TP73: variants seen among roughly 807,000 people sequenced by gnomAD.
The protein encoded by TP73 is p53-like transcription factor.
TP73 carries 25 observed loss-of-function variants against 62.5 expected under a neutral mutation model. The ratio of observed to expected loss-of-function variants is 0.40; its 90% confidence interval spans 0.29 to 0.56. The LOEUF (loss-of-function observed/expected upper bound fraction) is 0.56, where lower values mean the gene tolerates loss of function less well. Ranked by LOEUF, TP73 falls within the 20% of genes least tolerant of loss-of-function variation. TP73 has a pLI of 0.46. For synonymous variants in TP73, 423 were observed against 377.5 expected, an observed-to-expected ratio of 1.12 and a Z score of -1.40; for missense variants, 754 against 913.3, an observed-to-expected ratio of 0.83 and a Z score of 2.25.
intron 4 of TP73, among the ~76,000 whole-genome samples, chr1:3,721,762 C>A (rs541959577): frequency 4.6e-5 from 7 of 152,160 alleles, no homozygotes; most frequent in Admixed American, 4.6e-4. Context: ...TGACTGCCAC[C>A]GGCACTCACA....
In TP73 at chr1:3,670,320, C is replaced by T. The variant is rs1012925541; in HGVS notation, c.-33-12013C>T. Among the ~76,000 whole-genome samples the T allele has an allele frequency of 6.6e-6, 1 of 152,076 alleles. No individual in the cohort carries two copies. Among genetic ancestry groups the T allele is most frequent in the Non-Finnish European group, 1.5e-5 (1 of 68,010 alleles). ...TCCCTGGGGTCCCGCAGTCTGAACT[C>T]AAGACTCAAGAGCCCCATGTCCAGG... is the stretch of plus-strand genomic sequence containing the variant. On this transcript the variant is annotated intron_variant, in intron 1 of 13. Coordinates refer to ENST00000378295, the MANE Select transcript of TP73 (RefSeq NM_005427.4). The surrounding 1 kb of genome is among the most constrained non-coding windows in gnomAD (Gnocchi z 5.9).
chr1:3,681,474 G>T (rs1009548208), intron 1 of TP73, among the ~76,000 whole-genome samples: 3 of 152,162 alleles, frequency 2.0e-5, no homozygotes, highest in African/African-American at 7.2e-5. Flanking sequence ...GGGGAGCAAT[G>T]GTGGAGACAA....
chr1:3,707,487 A>G (rs1639759304), intron 3 of TP73, 62 bp from the exon 4 acceptor site: 1 of 1,563,862 alleles, frequency 6.4e-7, no homozygotes, highest in African/African-American at 1.3e-5. Flanking sequence ...GACACCTCCT[A>G]GACGGGACAG....
intron 1 of TP73, among the ~76,000 whole-genome samples, chr1:3,667,452 T>C (rs893009694): frequency 1.3e-5 from 2 of 152,216 alleles, no homozygotes; most frequent in Admixed American, 1.3e-4. Context: ...TCTTGCCTGA[T>C]AGGCATAAAC....
rs1039376279 is a variant in TP73 at position 3,687,564 on chromosome 1, G to A, written c.186+4384G>A. On this transcript the variant is annotated intron_variant, in intron 3 of 13. Coordinates refer to ENST00000378295, the MANE Select transcript of TP73 (RefSeq NM_005427.4). The stretch of plus-strand genomic sequence containing the variant: ...TAGCGTCCCCTCGGACAAAACCAGC[G>A]CAGGGCAATGAGACCTGCGGCCCTT... 7.6e-5 allele frequency among the ~76,000 whole-genome samples: 11 copies of A among 145,454 alleles called. No individual in the cohort carries two copies. In the East Asian group the frequency reaches 1.7e-3, roughly 23 times the overall value.
At position 3,727,761 on chromosome 1, in the gene TP73, A is replaced by G. The variant is rs1239220396; in HGVS notation, c.976A>G (p.Ser326Gly). The G allele has an allele frequency of 6.5e-7, 1 of 1,541,774 alleles. No individual in the cohort carries two copies. Among genetic ancestry groups the G allele is most frequent in the Non-Finnish European group, 8.7e-7 (1 of 1,142,980 alleles). ...GAGCTCCGCCAAGAACGGGGCCGCC[A>G]GCAAGCGTGGTGAGCGGCCGGCCAG... ...NESSAKNGAA[S>G]KRAFKQSPPA... The change falls in exon 8 of 14, where the codon AGC (serine) becomes GGC (glycine). Residue 326 changes from serine (S) to glycine (G), a missense_variant. Physicochemically the swap from Ser to Gly is moderately conservative, Grantham distance 56. Transcript: ENST00000378295.
At chr1:3,717,363 C>T (rs1432161040) in intron 4 of TP73, among the ~76,000 whole-genome samples, 1 of 152,166 alleles carries the variant, frequency 6.6e-6, no homozygotes, top group Admixed American at 6.5e-5. Flanking sequence ...GAGCCGGCAG[C>T]GTGGGGAGGG....
intron 4 of TP73, 63 bp from the exon 5 acceptor site, chr1:3,721,958 G>C (rs942323996): frequency 4.7e-6 from 7 of 1,505,356 alleles, no homozygotes; most frequent in African/African-American, 2.8e-5. Flanking sequence ...CCAATGGGGG[G>C]TGGCCTGGAC....
chr1:3,722,158 C>T lies in TP73; in HGVS notation c.567C>T (p.Asp189=), dbSNP rs142165895. Residue 189 remains aspartate (D), a synonymous_variant, in exon 5 of 14, where the codon GAC becomes GAT. Coordinates refer to ENST00000378295, the MANE Select transcript of TP73 (RefSeq NM_005427.4). ...ACAAGAAAGCGGAGCACGTGACCGA[C>T]GTCGTGAAACGCTGCCCCAACCACG... is the stretch of plus-strand genomic sequence containing the variant. ...PVYKKAEHVT[D]VVKRCPNHEL... 3.0e-4 allele frequency: 481 copies of T among 1,612,682 alleles called. 1 individual carries two copies. The African/African-American group carries it at 5.4e-3, about 18-fold the overall frequency.
Position 3,701,178 on chromosome 1 carries a change from C to A in TP73, c.187-6371C>A, listed in dbSNP as rs922134655. Among the ~76,000 whole-genome samples, 1 of 152,196 alleles carries A rather than the reference C, an allele frequency of 6.6e-6. No individual in the cohort carries two copies. The highest frequency in any genetic ancestry group is 1.5e-5 in the Non-Finnish European group (1 of 68,034). The stretch of plus-strand genomic sequence containing the variant: ...CTGGCTATCTGGACACCTCGGGGAA[C>A]AGGAGAGACCCCGACCCCTGTGAGC... On this transcript the variant is annotated intron_variant, in intron 3 of 13. Transcript: ENST00000378295. The surrounding 1 kb of genome is among the most constrained non-coding windows in gnomAD (Gnocchi z 4.7).
intron 1 of TP73, chr1:3,659,157 G>A (rs576735932): frequency 7.3e-6 from 1 of 137,584 alleles, no homozygotes; most frequent in Non-Finnish European, 1.5e-5. Context: ...CTTTGAAGAG[G>A]CATTTCTATG....
At chr1:3,686,731 A>G (rs147859966) in intron 3 of TP73, among the ~76,000 whole-genome samples, 1 of 152,310 alleles carries the variant, frequency 6.6e-6, no homozygotes, top group Non-Finnish European at 1.5e-5. Flanking sequence ...TGGCCCAGAA[A>G]GTCCAGCAGG....
At chr1:3,729,797 C>A in intron 10 of TP73, 2 of 831,614 alleles carry the variant, frequency 2.4e-6, no homozygotes, top group Middle Eastern at 2.3e-4. Flanking sequence ...CCCGGCCCCG[C>A]CATGGCCAGT....
At chr1:3,661,844 A>G (rs1885862) in intron 1 of TP73, among the ~76,000 whole-genome samples, 5,219 of 147,520 alleles carry the variant, frequency 0.035, 287 homozygotes, top group African/African-American at 0.12. Context: ...TATATATAAT[A>G]TATGTATTAT....
At chr1:3,706,905 C>T (rs1000278107) in intron 3 of TP73, among the ~76,000 whole-genome samples, 1 of 152,100 alleles carries the variant, frequency 6.6e-6, no homozygotes, top group African/African-American at 2.4e-5. Context: ...GGCCCCTGAG[C>T]GTGGAGCGGC....
In TP73 at chr1:3,682,356, CG is replaced by C; in HGVS notation, c.-9del. The C allele has an allele frequency of 9.1e-6, 14 of 1,531,910 alleles. No individual in the cohort carries two copies. The highest frequency in any genetic ancestry group is 1.2e-5 in the Non-Finnish European group (14 of 1,132,718). The allele number at this position is 1,531,910 out of a possible 1,614,324, so 94.9% of individuals were successfully genotyped here. ...AGAGCGAGCTGCCCTCGGAGGCCGGCGTGGGGAAGATGGCCCAGTCCACCGC... is the reference window on the plus strand; with the variant it reads ...AGAGCGAGCTGCCCTCGGAGGCCGGCTGGGGAAGATGGCCCAGTCCACCGC... On this transcript the variant is annotated 5_prime_UTR_variant, in exon 2 of 14. Coordinates refer to ENST00000378295, the MANE Select transcript of TP73 (RefSeq NM_005427.4).
intron 4 of TP73, among the ~76,000 whole-genome samples, chr1:3,719,393 G>A (rs1225659911): frequency 6.6e-6 from 1 of 152,228 alleles, no homozygotes; most frequent in African/African-American, 2.4e-5. Flanking sequence ...ACGGCTGCCG[G>A]CCCTGTGTTC....
chr1:3,676,162 G>A (rs1645362472), intron 1 of TP73, among the ~76,000 whole-genome samples: 1 of 150,490 alleles, frequency 6.6e-6, no homozygotes, highest in South Asian at 2.1e-4. Flanking sequence ...AGGAGGACGG[G>A]GACAGGGAGG....
At chr1:3,721,419 A>G (rs1641062016) in intron 4 of TP73, among the ~76,000 whole-genome samples, 1 of 152,244 alleles carries the variant, frequency 6.6e-6, no homozygotes, top group South Asian at 2.1e-4. Context: ...TGGTGGCCCC[A>G]GCAGGAGAGG....
Sources: allele counts gnomAD v4.1 joint callset (sites outside exome capture counted in the v4.1 genomes callset), GRCh38; gene constraint gnomAD v4.1.1; non-coding constraint Gnocchi (gnomAD v3.1); transcripts MANE v1.5; gene names NCBI Gene and HGNC (gene_info 2026-07-23, HGNC 2026-07-21).